The following COPB2 variants were observed in gnomAD, a reference collection of about 807,000 sequenced individuals.
COPB2 encodes the protein coat protein complex I subunit beta 2, also known as coatomer subunit beta'.
Under a neutral mutation model 120.8 loss-of-function variants are expected in COPB2, and 16 were observed. The observed-to-expected ratio is 0.13, with a 90% CI of 0.09 to 0.20. COPB2 has a LOEUF of 0.20. Among genes scored for constraint, COPB2 ranks in the 10% least tolerant of loss-of-function variants. The pLI, the probability that COPB2 is intolerant of heterozygous loss-of-function variation, is 1.00. For synonymous variants in COPB2, 332 were observed against 366.3 expected (o/e 0.91, Z 1.07); for missense variants, 794 against 1,076.5 (o/e 0.74, Z 3.67).
chr3:139,357,894 A>T lies in COPB2; in HGVS notation c.2690T>A (p.Ile897Asn), dbSNP rs1334970346. The change falls in exon 22 of 22, where the codon ATC becomes AAC. Residue 897 changes from isoleucine to asparagine, a missense_variant. By Grantham distance (149) the Ile-to-Asn change is moderately radical (BLOSUM62 -3). This residue lies in a region of COPB2 where 178 missense variants were observed against 183.2 expected (regional missense o/e 0.97). Coordinates refer to ENST00000333188, the MANE Select transcript of COPB2 (RefSeq NM_004766.3). ...LELEDIDTTD[I>N]NLDEDILDD is the part of the protein sequence containing the mutation. ...ATCCAAAATATCTTCATCCAGATTG[A>T]TATCTGTTGTGTCAATATCTTCTAA... The T allele has an allele frequency of 3.1e-6, 5 of 1,594,238 alleles. No homozygotes were observed. The highest frequency in any genetic ancestry group is 2.2e-5 in the East Asian group (1 of 44,764).
In COPB2 at chr3:139,381,762, G is replaced by C. The variant is rs537872189; in HGVS notation, c.141+1536C>G. The C allele has an allele frequency of 3.3e-5, 5 of 152,256 alleles. No individual in the cohort carries two copies. In the South Asian group the frequency reaches 1.0e-3, roughly 32 times the overall value. The allele number at this position is 152,256 out of a possible 1,614,324, so 9.4% of individuals were successfully genotyped here. A position where few individuals can be genotyped will look rare whatever the true frequency, so the allele number is the denominator to read the frequency against. On this transcript the variant is annotated intron_variant, in intron 2 of 21. Transcript: ENST00000333188. ...AGTACGCCTGGGCTTTAGAACATAC[G>C]ATGATCAAGTGATAGAGCTGAGATA...
At chr3:139,379,990 C>CT (rs1360398244) in intron 2 of COPB2, 1 of 134,466 alleles carries the variant, frequency 7.4e-6, no homozygotes, top group Non-Finnish European at 1.5e-5. Flanking sequence ...CTCTTAGTTT[C>CT]TTTTTTTCTT....
intron 20 of COPB2, 29 bp from the exon 21 acceptor site, chr3:139,358,300 A>C (rs941378542): frequency 1.3e-6 from 2 of 1,576,994 alleles, no homozygotes; most frequent in East Asian, 2.2e-5. Context: ...ATATATATGA[A>C]GACAAGGGAA....
chr3:139,365,607 A>C (rs1467186583), intron 15 of COPB2, among the ~76,000 whole-genome samples: 1 of 152,204 alleles, frequency 6.6e-6, no homozygotes, highest in South Asian at 2.1e-4. Context: ...GGAAGCCCCA[A>C]CATGATGGTG....
intron 1 of COPB2, chr3:139,388,152 C>T (rs1286801924): frequency 6.6e-6 from 1 of 152,076 alleles, no homozygotes; most frequent in Non-Finnish European, 1.5e-5. Context: ...CCAAAAACGT[C>T]CATTACTGCA....
intron 10 of COPB2, 129 bp from the exon 11 acceptor site, chr3:139,369,673 T>C: frequency 1.6e-6 from 1 of 640,836 alleles, no homozygotes; most frequent in East Asian, 2.8e-5. Context: ...TTGAAGATTA[T>C]CTGATGTACT....
At chr3:139,380,903 G>C (rs926344018) in intron 2 of COPB2, 2 of 152,180 alleles carry the variant, frequency 1.3e-5, no homozygotes, top group Non-Finnish European at 2.9e-5. Flanking sequence ...GGGATCTGCT[G>C]AGCAGTAAAA....
intron 9 of COPB2, among the ~76,000 whole-genome samples, chr3:139,372,232 A>T (rs1014707441): frequency 1.3e-5 from 2 of 152,250 alleles, no homozygotes; most frequent in African/African-American, 4.8e-5. Flanking sequence ...GCACTATATT[A>T]TTACAAAGAC....
chr3:139,379,398 A>G lies in COPB2; in HGVS notation c.210T>C (p.Asn70=). 6.2e-7 allele frequency: 1 copy of G among 1,614,114 alleles called. No homozygotes were observed. Among genetic ancestry groups the G allele is most frequent in the Non-Finnish European group, 8.5e-7 (1 of 1,179,980 alleles). ...VRAAKFVARK[N]WVVTGADDMQ... The stretch of plus-strand genomic sequence containing the variant: ...TACTTACCGCTCCTGTCACAACCCA[A>G]TTCTTCCTTGCAACAAACTTTGCAG... The change falls in exon 3 of 22, where the codon AAT becomes AAC. Residue 70 remains asparagine (N), a synonymous_variant. Coordinates refer to ENST00000333188, the MANE Select transcript of COPB2 (RefSeq NM_004766.3).
rs1483364604 is a variant in COPB2, at chr3:139,373,311, A to G, written c.996T>C (p.Asp332=). The G allele has an allele frequency of 6.2e-7, 1 of 1,614,166 alleles. No homozygotes were observed. Among genetic ancestry groups the G allele is most frequent in the Non-Finnish European group, 8.5e-7 (1 of 1,180,042 alleles). The part of the protein sequence containing the change: ...VQQANLKAMG[D]AEIKDGERLP... ...ATCTTTCACCATCTTTAATTTCAGC[A>G]TCTCCCATTGCTTTTAGGTTGGCCT... The change falls in exon 9 of 22, where the codon GAT becomes GAC. Residue 332 remains aspartate, a synonymous_variant. Coordinates refer to ENST00000333188, the MANE Select transcript of COPB2 (RefSeq NM_004766.3).
At chr3:139,388,496 T>TG in intron 1 of COPB2, 1 of 77,812 alleles carries the variant, frequency 1.3e-5, no homozygotes, top group African/African-American at 2.9e-5. Flanking sequence ...CCTAACTTTT[T>TG]CCTAGTTCCA....
intron 17 of COPB2, among the ~76,000 whole-genome samples, chr3:139,359,884 G>A (rs964708470): frequency 2.0e-5 from 3 of 151,938 alleles, no homozygotes; most frequent in Admixed American, 1.3e-4. Context: ...GATACAGTAT[G>A]TATACTATGT....
chr3:139,383,050 A>G, intron 2 of COPB2: 1 of 469,628 alleles, frequency 2.1e-6, no homozygotes, highest in Non-Finnish European at 3.8e-6. Context: ...CAATTTCAAA[A>G]AAGAGCTAAT....
At chr3:139,358,336 C>T (rs188938583) in intron 20 of COPB2, 65 bp from the exon 21 acceptor site, 3 of 1,403,284 alleles carry the variant, frequency 2.1e-6, no homozygotes, top group African/African-American at 2.8e-5. Flanking sequence ...AAAGTTTTCC[C>T]CCAAGAAAAG....
At chr3:139,373,624 G>C (rs1170882266) in intron 8 of COPB2, 42 bp downstream of exon 8, 1 of 1,611,080 alleles carries the variant, frequency 6.2e-7, no homozygotes, top group Non-Finnish European at 8.5e-7. Context: ...AAAGAAAATG[G>C]TTTTGCCTAT....
chr3:139,389,355 C>G, intron 1 of COPB2, 193 bp downstream of exon 1: 1 of 925,020 alleles, frequency 1.1e-6, no homozygotes, highest in South Asian at 4.3e-5. Context: ...TTTGCCTCCC[C>G]AAATCACCCC....
chr3:139,368,085 G>C, intron 13 of COPB2, 60 bp downstream of exon 13: 1 of 1,547,690 alleles, frequency 6.5e-7, no homozygotes, highest in Non-Finnish European at 8.7e-7. Context: ...AAAGTCTGTT[G>C]TAAGAATATA....
chr3:139,367,107 A>G lies in COPB2; in HGVS notation c.1584T>C (p.Leu528=). Residue 528 remains leucine, a synonymous_variant, in exon 14 of 22, where the codon CTT becomes CTC. Transcript: ENST00000333188. ...GEIQEIVKTG[L]WVGDCFIYTS... is the part of the protein sequence containing the mutation. ...TGTAAATGAAGCAATCGCCTACCCA[A>G]AGCCCTGTTTTCACAATTTCCTGAA... 6.2e-7 allele frequency: 1 copy of G among 1,613,934 alleles called. No homozygotes were observed. Among genetic ancestry groups the G allele is most frequent in the Non-Finnish European group, 8.5e-7 (1 of 1,179,932 alleles).
intron 10 of COPB2, among the ~76,000 whole-genome samples, chr3:139,370,574 A>G (rs527963918): frequency 6.6e-6 from 1 of 152,362 alleles, no homozygotes; most frequent in Admixed American, 6.5e-5. Flanking sequence ...GATTTAAATA[A>G]TAAAAACTGT....
Sources: allele counts gnomAD v4.1 joint callset (sites outside exome capture counted in the v4.1 genomes callset), GRCh38; gene constraint gnomAD v4.1.1; regional missense constraint gnomAD v4.1.1; transcripts MANE v1.5; gene names NCBI Gene and HGNC (gene_info 2026-07-23, HGNC 2026-07-21).